Variants in NRG1 observed in about 807,000 individuals in gnomAD.
NRG1 encodes neuregulin 1, also known as pro-neuregulin-1, membrane-bound isoform.
NRG1 carries 18 observed loss-of-function variants against 63.8 expected under a neutral mutation model. That is an observed-to-expected ratio of 0.28 (90% CI 0.19 to 0.42). The LOEUF is 0.42. Ranked by LOEUF, NRG1 falls within the 10% of genes least tolerant of loss-of-function variation. The pLI is 1.00. For missense variants in NRG1, 762 were observed against 814.7 expected (o/e 0.94, Z 0.79); for synonymous variants, 302 against 301.3 (o/e 1.00, Z -0.02).
intron 1 of NRG1, among the ~76,000 whole-genome samples, chr8:31,707,373 C>T (rs2131227490): frequency 6.6e-6 from 1 of 152,148 alleles, no homozygotes; most frequent in South Asian, 2.1e-4. Context: ...TATTTATGTG[C>T]CAGTATTCAG....
intron 1 of NRG1, among the ~76,000 whole-genome samples, chr8:32,016,265 G>T (rs2130082155): frequency 6.6e-6 from 1 of 152,110 alleles, no homozygotes; most frequent in Admixed American, 6.5e-5. Flanking sequence ...GTCTTGCTAT[G>T]TTGCCCAGGC....
intron 5 of NRG1, among the ~76,000 whole-genome samples, chr8:32,620,475 C>T (rs1030558153): frequency 6.7e-6 from 1 of 150,302 alleles, no homozygotes; most frequent in Non-Finnish European, 1.5e-5. Flanking sequence ...GACTTCACAG[C>T]CCCCAAAGTT....
intron 1 of NRG1, among the ~76,000 whole-genome samples, chr8:32,291,238 C>A (rs1854159032): frequency 6.6e-6 from 1 of 152,148 alleles, no homozygotes; most frequent in Non-Finnish European, 1.5e-5. Context: ...AAATGTTAAT[C>A]TAATCTAAAG....
At chr8:32,637,891 G>A (rs980094365) in intron 5 of NRG1, among the ~76,000 whole-genome samples, 1 of 152,134 alleles carries the variant, frequency 6.6e-6, no homozygotes, top group African/African-American at 2.4e-5. Context: ...ATTAAGTAGA[G>A]TTGTGACCAC....
intron 1 of NRG1, among the ~76,000 whole-genome samples, chr8:32,057,000 T>C (rs1823056869): frequency 6.6e-6 from 1 of 152,164 alleles, no homozygotes; most frequent in South Asian, 2.1e-4. Flanking sequence ...GGCTCCAGAA[T>C]CTTTTGCTAT....
chr8:31,714,634 A>G (rs1332167025), intron 1 of NRG1, among the ~76,000 whole-genome samples: 1 of 152,164 alleles, frequency 6.6e-6, no homozygotes, highest in Non-Finnish European at 1.5e-5. Flanking sequence ...TTAGGAAATA[A>G]AAAGCACTTT....
chr8:31,837,532 C>T (rs1039234655), intron 1 of NRG1, among the ~76,000 whole-genome samples: 2 of 151,998 alleles, frequency 1.3e-5, no homozygotes, highest in African/African-American at 4.8e-5. Context: ...ATTCTCTCTT[C>T]TGGCTGCTTG....
At chr8:31,729,511 A>G (rs1029002860) in intron 1 of NRG1, among the ~76,000 whole-genome samples, 13 of 152,132 alleles carry the variant, frequency 8.5e-5, no homozygotes, top group African/African-American at 3.1e-4. Context: ...TAAATATACC[A>G]CTGAATGTAA....
intron 1 of NRG1, among the ~76,000 whole-genome samples, chr8:31,933,882 T>G (rs1180510392): frequency 7.2e-5 from 11 of 152,200 alleles, no homozygotes; most frequent in Non-Finnish European, 1.2e-4. Context: ...TAGATTTTAT[T>G]TTATAATACC....
At chr8:32,025,383 A>T (rs567465089) in intron 1 of NRG1, among the ~76,000 whole-genome samples, 1 of 152,332 alleles carries the variant, frequency 6.6e-6, no homozygotes, top group African/African-American at 2.4e-5. Context: ...TCTGGATCAA[A>T]TAATGGCAAG....
chr8:32,407,615 G>A (rs1814272447), intron 1 of NRG1, among the ~76,000 whole-genome samples: 1 of 151,928 alleles, frequency 6.6e-6, no homozygotes, highest in South Asian at 2.1e-4. Flanking sequence ...AATAAAAGTG[G>A]ACATGCCCTT....
intron 1 of NRG1, among the ~76,000 whole-genome samples, chr8:31,983,549 T>C (rs2129631190): frequency 6.6e-6 from 1 of 152,110 alleles, no homozygotes; most frequent in Admixed American, 6.6e-5. Flanking sequence ...CTGTCTATTT[T>C]TTTAAATTTT....
chr8:32,614,648 T>G (rs1014190812), intron 4 of NRG1, 84 bp downstream of exon 4: 2 of 1,268,242 alleles, frequency 1.6e-6, no homozygotes, highest in Non-Finnish European at 2.3e-6. Context: ...TCAGAACCCC[T>G]TCTGCATCCA....
At chr8:31,752,451 GA>G (rs1298285286) in intron 1 of NRG1, among the ~76,000 whole-genome samples, 1 of 152,078 alleles carries the variant, frequency 6.6e-6, no homozygotes, top group Non-Finnish European at 1.5e-5. Flanking sequence ...AGCAGGGATG[GA>G]AGGGCTTGGG....
intron 5 of NRG1, among the ~76,000 whole-genome samples, chr8:32,717,206 A>G (rs1819466758): frequency 6.6e-6 from 1 of 152,138 alleles, no homozygotes; most frequent in Non-Finnish European, 1.5e-5. Flanking sequence ...AAGAACTATT[A>G]TGACCAGCTA....
At chr8:32,233,563 A>ATATATATATATATATATATATATTTT (rs34593729) in intron 1 of NRG1, among the ~76,000 whole-genome samples, 1 of 67,262 alleles carries the variant, frequency 1.5e-5, no homozygotes, top group Non-Finnish European at 2.5e-5. Context: ...ATATATATAT[A>ATATATATATATATATATATATATTTT]TTTTTTTTTT....
intron 1 of NRG1, among the ~76,000 whole-genome samples, chr8:31,795,518 T>C (rs1244000046): frequency 6.6e-6 from 1 of 152,128 alleles, no homozygotes; most frequent in African/African-American, 2.4e-5. Flanking sequence ...TGCTTCTCCC[T>C]ATATTGTCCT....
chr8:31,639,561 G>A, intron 1 of NRG1: 1 of 1,440,696 alleles, frequency 6.9e-7, no homozygotes, highest in Non-Finnish European at 9.2e-7. Context: ...AGCCCCAGCA[G>A]CCGCCGCAGC....
chr8:31,653,954 G>GT (rs1805162202), intron 1 of NRG1, among the ~76,000 whole-genome samples: 2 of 70,002 alleles, frequency 2.9e-5, no homozygotes, highest in Non-Finnish European at 6.2e-5. Flanking sequence ...TTCATGATGC[G>GT]CTTTTTTTTT....
Sources: allele counts gnomAD v4.1 joint callset (sites outside exome capture counted in the v4.1 genomes callset), GRCh38; gene constraint gnomAD v4.1.1; transcripts MANE v1.5; gene names NCBI Gene and HGNC (gene_info 2026-07-23, HGNC 2026-07-21).